The following CRMP1 variants were observed in gnomAD, a reference collection of about 807,000 sequenced individuals.
CRMP1 encodes the protein dihydropyrimidinase-related protein 1.
CRMP1 carries 19 observed loss-of-function variants against 68.3 expected under a neutral mutation model. The observed-to-expected ratio is 0.28, with a 90% CI of 0.19 to 0.41. The LOEUF (loss-of-function observed/expected upper bound fraction) is 0.41, where lower values mean the gene tolerates loss of function less well. CRMP1 is among the 10% of genes least tolerant of loss of function. The probability of loss-of-function intolerance (pLI) is 1.00; values close to 1 mark genes in which losing one functional copy is unlikely to be tolerated. For synonymous variants in CRMP1, 439 were observed against 399.6 expected, an observed-to-expected ratio of 1.10 and a Z score of -1.18; for missense variants, 791 against 967.4, an observed-to-expected ratio of 0.82 and a Z score of 2.42.
chr4:5,864,605 A>G (rs1713847524), intron 2 of CRMP1, among the ~76,000 whole-genome samples: 1 of 152,086 alleles, frequency 6.6e-6, no homozygotes, highest in South Asian at 2.1e-4. Context: ...CTGGTCAAGG[A>G]GCGATGCAGT....
intron 9 of CRMP1, among the ~76,000 whole-genome samples, chr4:5,837,397 T>C (rs757205039): frequency 1.3e-5 from 2 of 149,764 alleles, no homozygotes; most frequent in Non-Finnish European, 3.0e-5. Context: ...TGGGAGGCTG[T>C]GGATCACCTG....
intron 6 of CRMP1, among the ~76,000 whole-genome samples, chr4:5,848,311 C>A (rs372393533): frequency 6.6e-6 from 1 of 152,146 alleles, no homozygotes; most frequent in African/African-American, 2.4e-5. Flanking sequence ...CCTGTATTCC[C>A]ACCTGTAATA....
rs1005735440 is a variant in CRMP1, at chr4:5,850,006, A to C, written c.883-534T>G. ...CTCTAATAACTCCAATACTCAGAAA[A>C]TATATAGCATGCCAACCATCCTCTC... On this transcript the variant is annotated intron_variant, in intron 5 of 13. Transcript: ENST00000324989. The surrounding 1 kb of genome is among the most constrained non-coding windows in gnomAD (Gnocchi z 4.4). 6.6e-6 allele frequency among the ~76,000 whole-genome samples: 1 copy of C among 152,148 alleles called. No homozygotes were observed. Among genetic ancestry groups the C allele is most frequent in the African/African-American group, 2.4e-5 (1 of 41,440 alleles).
Position 5,841,208 on chromosome 4 carries a change from C to T in CRMP1, c.1153+100G>A, listed in dbSNP as rs535064750. The T allele has an allele frequency of 1.3e-6, 2 of 1,586,088 alleles. No homozygotes were observed. Among genetic ancestry groups the T allele is most frequent in the African/African-American group, 1.3e-5 (1 of 74,540 alleles). ...ATCCCCGCTCCACCCCTCCCTCCTCCGGCTGCCTGTCTGAGTTCGGGAGGG... is the reference window on the plus strand; with the variant it reads ...ATCCCCGCTCCACCCCTCCCTCCTCTGGCTGCCTGTCTGAGTTCGGGAGGG... On this transcript the variant is annotated intron_variant, in intron 8 of 13. Transcript: ENST00000324989. This position sits in a 1 kb window ranked among gnomAD's most constrained non-coding sequence, Gnocchi z 6.9.
chr4:5,851,370 C>T, intron 5 of CRMP1, 38 bp downstream of exon 5: 2 of 1,601,108 alleles, frequency 1.2e-6, no homozygotes, highest in Non-Finnish European at 8.6e-7. Context: ...CCAGTCCTGC[C>T]CAGACAAGAG....
chr4:5,836,824 T>A lies in CRMP1; in HGVS notation c.1393A>T (p.Ile465Phe), dbSNP rs1210139716. The change falls in exon 10 of 14, where the codon ATC becomes TTC. Residue 465 changes from isoleucine to phenylalanine, a missense_variant. Around this residue, in one of 3 missense-constraint regions of CRMP1, gnomAD observed 594 missense variants for 763.6 expected, o/e 0.78. Transcript: ENST00000324989. ...KAVGKDNFTL[I>F]PEGVNGIEER... The stretch of plus-strand genomic sequence containing the variant: ...TCTATCCCGTTGACACCCTCGGGGA[T>A]CAGGGTAAAGTTGTCCTTGCCCACC... The A allele has an allele frequency of 6.2e-7, 1 of 1,614,170 alleles. No homozygotes were observed. The highest frequency in any genetic ancestry group is 8.5e-7 in the Non-Finnish European group (1 of 1,180,028).
chr4:5,875,943 G>C (rs940649905), intron 1 of CRMP1, among the ~76,000 whole-genome samples: 3 of 152,082 alleles, frequency 2.0e-5, no homozygotes, highest in African/African-American at 7.2e-5. Flanking sequence ...ATGAGGTCAG[G>C]AGATCAAGAC....
rs35551598 is a variant in CRMP1 at position 5,854,399 on chromosome 4, GTTTT to G, written c.820+1740_820+1743del. Among the ~76,000 whole-genome samples the G allele has an allele frequency of 2.5e-3, 174 of 70,858 alleles. 1 individual carries two copies. The highest frequency in any genetic ancestry group is 8.2e-3 in the African/African-American group (135 of 16,526). The allele number at this position is 70,858 out of a possible 152,430, so 46.5% of individuals were successfully genotyped here. On this transcript the variant is annotated intron_variant, in intron 4 of 13. Transcript: ENST00000324989. This position sits in a 1 kb window ranked among gnomAD's most constrained non-coding sequence, Gnocchi z 4.0. The stretch of plus-strand genomic sequence containing the variant: ...GGCGTACACCACCACTCCTGGCTAT[GTTTT>G]TTTTTTTTTTTTTTTTTTTTTAATA...
chr4:5,864,915 G>C (rs992780221), intron 2 of CRMP1, among the ~76,000 whole-genome samples: 1 of 123,236 alleles, frequency 8.1e-6, no homozygotes, highest in Non-Finnish European at 1.6e-5. Flanking sequence ...GCCCGGGCTG[G>C]ATTTGAAATG....
In CRMP1 at chr4:5,843,211, G is replaced by A. The variant is rs377456097; in HGVS notation, c.964-50C>T. 1.3e-6 allele frequency: 2 copies of A among 1,591,610 alleles called. No individual in the cohort carries two copies. Among genetic ancestry groups the A allele is most frequent in the African/African-American group, 1.3e-5 (1 of 74,462 alleles). Reference sequence around the variant, plus strand: ...AACGATTAGAGGGTGTCAGAGCTGGGAGAAGTGACTCCTCCAACCCCCTGG... The same window carrying A: ...AACGATTAGAGGGTGTCAGAGCTGGAAGAAGTGACTCCTCCAACCCCCTGG... On this transcript the variant is annotated intron_variant, in intron 6 of 13. Coordinates refer to ENST00000324989, the MANE Select transcript of CRMP1 (RefSeq NM_001014809.3). This position sits in a 1 kb window ranked among gnomAD's most constrained non-coding sequence, Gnocchi z 4.1.
At position 5,843,285 on chromosome 4, in the gene CRMP1, A is replaced by G; in HGVS notation, c.964-124T>C. On this transcript the variant is annotated intron_variant, in intron 6 of 13. Transcript: ENST00000324989. The surrounding 1 kb of genome is among the most constrained non-coding windows in gnomAD (Gnocchi z 4.1). ...CCCAAAGAGGCGAGTGGCTTGCACT[A>G]GGTTAACAGTGTGCGGGGTGGGGGC... 1.2e-6 allele frequency: 1 copy of G among 862,316 alleles called. No individual in the cohort carries two copies. Among genetic ancestry groups the G allele is most frequent in the East Asian group, 2.6e-5 (1 of 39,020 alleles). 53.4% of individuals were successfully genotyped at this position (862,316 alleles called of 1,614,324 possible). A position where few individuals can be genotyped will look rare whatever the true frequency, so the allele number is the denominator to read the frequency against.
chr4:5,822,003 CCA>C, intron 13 of CRMP1, 152 bp from the exon 14 acceptor site: 2 of 514,640 alleles, frequency 3.9e-6, no homozygotes, highest in Admixed American at 3.3e-5. Flanking sequence ...TCCCTGGCCT[CCA>C]CAGAGTCCAC....
intron 2 of CRMP1, among the ~76,000 whole-genome samples, chr4:5,864,817 A>T (rs1713869661): frequency 6.6e-6 from 1 of 151,834 alleles, no homozygotes. Flanking sequence ...CAAGGCTCTC[A>T]GGTGACAGCA....
rs1317339080 is a variant in CRMP1, at chr4:5,890,092, T to C, written c.381+2497A>G. ...CCCTGGCTCTCAGCGGGGCCTAAAA[T>C]CCCTGTCAATGACCGGAAATTGCAG... On this transcript the variant is annotated intron_variant, in intron 1 of 13. Coordinates refer to ENST00000324989, the MANE Select transcript of CRMP1 (RefSeq NM_001014809.3). This position sits in a 1 kb window ranked among gnomAD's most constrained non-coding sequence, Gnocchi z 5.5. 1 of 285,350 alleles carries C rather than the reference T, an allele frequency of 3.5e-6. No homozygotes were observed. The highest frequency in any genetic ancestry group is 5.8e-6 in the Non-Finnish European group (1 of 173,028). The allele number at this position is 285,350 out of a possible 1,614,324, so 17.7% of individuals were successfully genotyped here.
chr4:5,891,167 C>A lies in CRMP1; in HGVS notation c.381+1422G>T, dbSNP rs368223593. ...TCCCTTTCTGATCACCCCACCACCA[C>A]ACACACATACACACACACACACACA... On this transcript the variant is annotated intron_variant, in intron 1 of 13. Coordinates refer to ENST00000324989, the MANE Select transcript of CRMP1 (RefSeq NM_001014809.3). The surrounding 1 kb of genome is among the most constrained non-coding windows in gnomAD (Gnocchi z 5.2). Among the ~76,000 whole-genome samples the A allele has an allele frequency of 5.0e-5, 6 of 120,008 alleles. No individual in the cohort carries two copies. The East Asian group carries it at 1.6e-3, about 32-fold the overall frequency. 78.7% of individuals were successfully genotyped at this position (120,008 alleles called of 152,430 possible).
intron 6 of CRMP1, among the ~76,000 whole-genome samples, chr4:5,846,485 C>A (rs1429148507): frequency 2.6e-5 from 4 of 152,018 alleles, no homozygotes; most frequent in Admixed American, 6.6e-5. Flanking sequence ...TGAACCCCAG[C>A]GAGATTCACA....
rs1455149969 is a variant in CRMP1, at chr4:5,858,335, T to C, written c.656-2028A>G. 6.9e-6 allele frequency among the ~76,000 whole-genome samples: 1 copy of C among 145,588 alleles called. No homozygotes were observed. Among genetic ancestry groups the C allele is most frequent in the African/African-American group, 2.5e-5 (1 of 39,306 alleles). On this transcript the variant is annotated intron_variant, in intron 3 of 13. Transcript: ENST00000324989. This position sits in a 1 kb window ranked among gnomAD's most constrained non-coding sequence, Gnocchi z 5.5. ...CAGAACTCTGAACCCGGTTGTGTTC[T>C]TGGCTTCTCCACCGAGATGACTCAA...
At chr4:5,876,745 A>T (rs1418724997) in intron 1 of CRMP1, among the ~76,000 whole-genome samples, 1 of 105,870 alleles carries the variant, frequency 9.4e-6, no homozygotes, top group African/African-American at 4.7e-5. Context: ...TCCCCCCACC[A>T]CCCCCCTTCT....
At chr4:5,878,269 C>T (rs762538497) in intron 1 of CRMP1, among the ~76,000 whole-genome samples, 1 of 151,942 alleles carries the variant, frequency 6.6e-6, no homozygotes, top group African/African-American at 2.4e-5. Flanking sequence ...ACAGTGTTCT[C>T]TTCAGTGTAC....
Sources: allele counts gnomAD v4.1 joint callset (sites outside exome capture counted in the v4.1 genomes callset), GRCh38; gene constraint gnomAD v4.1.1; regional missense constraint gnomAD v4.1.1; non-coding constraint Gnocchi (gnomAD v3.1); transcripts MANE v1.5; gene names NCBI Gene and HGNC (gene_info 2026-07-23, HGNC 2026-07-21).